Variants in CNTN4 observed in about 807,000 individuals in gnomAD.
CNTN4 encodes the protein contactin 4.
In CNTN4, 77 loss-of-function variants were observed where a neutral mutation model predicts 122.5. The ratio of observed to expected loss-of-function variants is 0.63; its 90% CI spans 0.52 to 0.76. The LOEUF (loss-of-function observed/expected upper bound fraction) is 0.76. CNTN4 is among the 30% of genes least tolerant of loss of function. The probability of loss-of-function intolerance (pLI) is 0.00; values close to 1 mark genes in which losing one functional copy is unlikely to be tolerated. For missense variants in CNTN4, 1,256 were observed against 1,259.1 expected, an observed-to-expected ratio of 1.00 and a Z score of 0.04; for synonymous variants, 512 against 447.0, an observed-to-expected ratio of 1.15 and a Z score of -1.83.
intron 12 of CNTN4, among the ~76,000 whole-genome samples, chr3:2,920,856 C>T (rs961769284): frequency 1.4e-4 from 22 of 152,088 alleles, no homozygotes; most frequent in African/African-American, 5.3e-4. Flanking sequence ...AAGAGCTGCC[C>T]GTGGAAGAAG....
At chr3:2,918,028 G>A (rs2094388497) in intron 12 of CNTN4, among the ~76,000 whole-genome samples, 1 of 152,110 alleles carries the variant, frequency 6.6e-6, no homozygotes, top group Non-Finnish European at 1.5e-5. Flanking sequence ...TTAGTGTAAG[G>A]CGTGTTGCTT....
At chr3:2,424,839 T>A (rs535280080) in intron 3 of CNTN4, among the ~76,000 whole-genome samples, 1 of 152,350 alleles carries the variant, frequency 6.6e-6, no homozygotes, top group South Asian at 2.1e-4. Context: ...TTTTTTCATG[T>A]GTCTGTTGGC....
intron 3 of CNTN4, among the ~76,000 whole-genome samples, chr3:2,381,156 C>T (rs571946067): frequency 4.1e-4 from 62 of 152,002 alleles, no homozygotes; most frequent in Non-Finnish European, 7.4e-4. Flanking sequence ...CAGGCGCCCG[C>T]CACCACACCC....
chr3:2,942,395 T>C (rs2094624550), intron 13 of CNTN4, among the ~76,000 whole-genome samples: 1 of 152,216 alleles, frequency 6.6e-6, no homozygotes, highest in South Asian at 2.1e-4. Context: ...GAAAGAAACA[T>C]AATTAGTTAT....
At chr3:2,359,345 T>C in intron 3 of CNTN4, among the ~76,000 whole-genome samples, 1 of 152,222 alleles carries the variant, frequency 6.6e-6, no homozygotes, top group South Asian at 2.1e-4. Context: ...TAGTGTATAA[T>C]ACTCCAGTGT....
At chr3:2,319,541 T>C (rs1379204962) in intron 2 of CNTN4, among the ~76,000 whole-genome samples, 1 of 152,128 alleles carries the variant, frequency 6.6e-6, no homozygotes, top group Non-Finnish European at 1.5e-5. Flanking sequence ...CCTACTCAAC[T>C]TGAAGATGAT....
At chr3:2,763,089 G>A (rs550598482) in intron 6 of CNTN4, among the ~76,000 whole-genome samples, 138 of 151,964 alleles carry the variant, frequency 9.1e-4, no homozygotes, top group African/African-American at 3.1e-3. Flanking sequence ...CTACAGGCAC[G>A]TGCCACCACG....
intron 2 of CNTN4, among the ~76,000 whole-genome samples, chr3:2,234,191 C>G (rs957213185): frequency 1.3e-5 from 2 of 151,648 alleles, no homozygotes; most frequent in African/African-American, 4.8e-5. Context: ...GTAGCCTGAC[C>G]AATATGGTGA....
At chr3:2,309,256 ATAT>A (rs2042828254) in intron 2 of CNTN4, among the ~76,000 whole-genome samples, 1 of 152,084 alleles carries the variant, frequency 6.6e-6, no homozygotes, top group Non-Finnish European at 1.5e-5. Context: ...TTGAAGTGTG[ATAT>A]TAGTAATGCT....
intron 2 of CNTN4, among the ~76,000 whole-genome samples, chr3:2,279,135 A>C (rs889794716): frequency 1.3e-5 from 2 of 149,824 alleles, no homozygotes; most frequent in African/African-American, 5.1e-5. Context: ...CAAAACTAAT[A>C]ATCAAAACTA....
intron 6 of CNTN4, among the ~76,000 whole-genome samples, chr3:2,798,377 C>CTATCTATCTATCTATCTATA (rs1164322999): frequency 2.0e-5 from 3 of 150,292 alleles, no homozygotes; most frequent in East Asian, 1.9e-4. Flanking sequence ...ATCTATCTAT[C>CTATCTATCTATCTATCTATA]TATCTATCTA....
chr3:2,567,134 GA>G (rs1430956379), intron 3 of CNTN4, among the ~76,000 whole-genome samples: 1 of 148,002 alleles, frequency 6.8e-6, no homozygotes, highest in Non-Finnish European at 1.5e-5. Context: ...GTCCAGGCTG[GA>G]GTGCAGTGAT....
Position 3,056,167 on chromosome 3 carries a change from C to T in CNTN4, c.3028C>T (p.Leu1010=). The T allele has an allele frequency of 6.2e-7, 1 of 1,614,160 alleles. No homozygotes were observed. The highest frequency in any genetic ancestry group is 1.3e-5 in the African/African-American group (1 of 75,050). The part of the protein sequence containing the change: ...SGASTSNACT[L]SAISTIMISL... Reference sequence around the variant, plus strand: ...GGCTTCCACTTCGAATGCATGTACGCTGTCAGCCATCAGTACAATAATGAT... The same window carrying T: ...GGCTTCCACTTCGAATGCATGTACGTTGTCAGCCATCAGTACAATAATGAT... The change falls in exon 25 of 25, where the codon CTG becomes TTG. Residue 1010 remains leucine, a synonymous_variant. Coordinates refer to ENST00000418658, the MANE Select transcript of CNTN4 (RefSeq NM_175607.3).
chr3:2,875,844 T>C (rs2093837921), intron 8 of CNTN4, among the ~76,000 whole-genome samples: 1 of 152,156 alleles, frequency 6.6e-6, no homozygotes, highest in African/African-American at 2.4e-5. Context: ...GAGTACTTCC[T>C]TGAAGGAAGG....
chr3:2,482,996 C>G (rs1439383617), intron 3 of CNTN4, among the ~76,000 whole-genome samples: 1 of 152,116 alleles, frequency 6.6e-6, no homozygotes, highest in Non-Finnish European at 1.5e-5. Context: ...AGGCCACCAT[C>G]CTCCAGACCC....
At chr3:2,135,759 G>A (rs2034662812) in intron 2 of CNTN4, among the ~76,000 whole-genome samples, 1 of 152,146 alleles carries the variant, frequency 6.6e-6, no homozygotes, top group African/African-American at 2.4e-5. Flanking sequence ...CCTGACCTAT[G>A]TGCAGATTTG....
rs373158447 is a variant in CNTN4, at chr3:2,436,757, T to G, written c.-89+97524T>G. Among the ~76,000 whole-genome samples, 176 of 150,866 alleles carry G rather than the reference T, an allele frequency of 1.2e-3. 1 individual carries two copies. Among genetic ancestry groups the G allele is most frequent in the African/African-American group, 3.8e-3 (156 of 41,312 alleles). On this transcript the variant is annotated intron_variant, in intron 3 of 24. Transcript: ENST00000418658. ...ATCTTTTATTTTAAGCAACTTCATATATTTCCTTCAAATATATATGAAATA... is the reference window on the plus strand; with the variant it reads ...ATCTTTTATTTTAAGCAACTTCATAGATTTCCTTCAAATATATATGAAATA...
At chr3:2,665,205 C>T (rs1429681783) in intron 4 of CNTN4, among the ~76,000 whole-genome samples, 7 of 152,294 alleles carry the variant, frequency 4.6e-5, no homozygotes, top group Non-Finnish European at 1.0e-4. Context: ...GATGGTCTTG[C>T]ATCATTCTTG....
At chr3:2,864,246 TC>T (rs1350913709) in intron 7 of CNTN4, among the ~76,000 whole-genome samples, 3 of 152,152 alleles carry the variant, frequency 2.0e-5, no homozygotes, top group Admixed American at 2.0e-4. Context: ...TTAAATGGCT[TC>T]CCTAATATAA....
Sources: gnomAD v4.1 joint callset for allele counts (sites outside exome capture counted in the v4.1 genomes callset) on GRCh38, gnomAD v4.1.1 for gene constraint, MANE v1.5 for transcripts, NCBI Gene and HGNC (gene_info 2026-07-23, HGNC 2026-07-21) for gene names.